The following KCNK9 variants were observed in gnomAD, a reference collection of about 807,000 sequenced individuals.
The protein encoded by KCNK9 is potassium channel subfamily K member 9.
A neutral mutation model predicts 10.8 loss-of-function variants in KCNK9; 1 was observed. The ratio of observed to expected loss-of-function variants is 0.09; its 90% CI spans 0.03 to 0.44. The LOEUF is 0.44. Among genes scored for constraint, KCNK9 ranks in the 20% least tolerant of loss-of-function variants. The pLI, the probability that KCNK9 is intolerant of heterozygous loss-of-function variation, is 0.97. For synonymous variants in KCNK9, 231 were observed against 222.7 expected, an observed-to-expected ratio of 1.04 and a Z score of -0.33; for missense variants, 303 against 515.0, an observed-to-expected ratio of 0.59 and a Z score of 3.98.
At chr8:139,700,492 A>ACACACACACACACACACGCGCGCGCGCG (rs1447882940) in intron 1 of KCNK9, among the ~76,000 whole-genome samples, 1 of 137,246 alleles carries the variant, frequency 7.3e-6, no homozygotes, top group Non-Finnish European at 1.5e-5. Context: ...ACATACACAC[A>ACACACACACACACACACGCGCGCGCGCG]CACACACACA....
At chr8:139,624,399 T>C (rs1051723407) in intron 1 of KCNK9, among the ~76,000 whole-genome samples, 6 of 152,178 alleles carry the variant, frequency 3.9e-5, no homozygotes, top group African/African-American at 1.4e-4. Context: ...GATGCCGGCA[T>C]GTTCAGGGAC....
intron 1 of KCNK9, among the ~76,000 whole-genome samples, chr8:139,626,310 G>A (rs532857515): frequency 6.6e-6 from 1 of 152,196 alleles, no homozygotes; most frequent in Non-Finnish European, 1.5e-5. Flanking sequence ...TTATTCAGGG[G>A]AGAGGTAGAC....
chr8:139,677,717 A>C (rs113557807), intron 1 of KCNK9, among the ~76,000 whole-genome samples: 1,111 of 51,740 alleles, frequency 0.021, 37 homozygotes, highest in African/African-American at 0.049. Context: ...AATACCTCAC[A>C]TCCCAGCCCA....
Position 139,618,570 on chromosome 8 carries a change from C to G in KCNK9, c.813G>C (p.Met271Ile), listed in dbSNP as rs778383035. Residue 271 changes from methionine to isoleucine, a missense_variant, in exon 2 of 2, where the codon ATG becomes ATC. Met to Ile is a conservative substitution (Grantham distance 10). Around this residue, in one of 5 missense-constraint regions of KCNK9, gnomAD observed 138 missense variants for 161.1 expected, o/e 0.86. Transcript: ENST00000520439. This position sits in a 1 kb window ranked among gnomAD's most constrained non-coding sequence, Gnocchi z 7.9. ...RASLAGNRNS[M>I]VIHIPEEPRP... ...GCGGCTCCTCAGGGATGTGAATGAC[C>G]ATGCTGTTGCGGTTTCCGGCGAGGG... is the stretch of plus-strand genomic sequence containing the variant. 1 of 1,613,622 alleles carries G rather than the reference C, an allele frequency of 6.2e-7. No individual in the cohort carries two copies. Among genetic ancestry groups the G allele is most frequent in the African/African-American group, 1.3e-5 (1 of 74,942 alleles).
At chr8:139,677,504 C>T (rs186979217) in intron 1 of KCNK9, among the ~76,000 whole-genome samples, 113 of 152,226 alleles carry the variant, frequency 7.4e-4, no homozygotes, top group Admixed American at 2.4e-3. Flanking sequence ...CAAGGGAGAA[C>T]ACAATTCCTC....
At chr8:139,688,528 G>A (rs1480638183) in intron 1 of KCNK9, among the ~76,000 whole-genome samples, 2 of 152,144 alleles carry the variant, frequency 1.3e-5, no homozygotes, top group South Asian at 4.1e-4. Flanking sequence ...CACATGATCC[G>A]ATCACTTCCC....
chr8:139,673,060 G>A lies in KCNK9; in HGVS notation c.283+29650C>T, dbSNP rs564997699. ...AGAACGGGATTCGGGCAAGGAGAACGAGAGGCAAGAAGGTCCTCAATCCTT... is the reference window on the plus strand; with the variant it reads ...AGAACGGGATTCGGGCAAGGAGAACAAGAGGCAAGAAGGTCCTCAATCCTT... On this transcript the variant is annotated intron_variant, in intron 1 of 1. Coordinates refer to ENST00000520439, the MANE Select transcript of KCNK9 (RefSeq NM_001282534.2). Among the ~76,000 whole-genome samples, 140 of 152,302 alleles carry A rather than the reference G, an allele frequency of 9.2e-4. 1 individual carries two copies. Among genetic ancestry groups the A allele is most frequent in the African/African-American group, 3.2e-3 (133 of 41,558 alleles).
At chr8:139,678,778 G>A (rs1224498762) in intron 1 of KCNK9, among the ~76,000 whole-genome samples, 1 of 152,216 alleles carries the variant, frequency 6.6e-6, no homozygotes, top group South Asian at 2.1e-4. Context: ...CTGATGCCAC[G>A]TGGGCTCCCA....
chr8:139,632,934 G>T (rs148512580), intron 1 of KCNK9, among the ~76,000 whole-genome samples: 1 of 152,182 alleles, frequency 6.6e-6, no homozygotes, highest in South Asian at 2.1e-4. Context: ...GAGCAAAGAC[G>T]TACAGACAGG....
In KCNK9 at chr8:139,702,920, C is replaced by G; in HGVS notation, c.73G>C (p.Val25Leu). Residue 25 changes from valine (V) to leucine (L), a missense_variant, in exon 1 of 2, where the codon GTG becomes CTG. Coordinates refer to ENST00000520439, the MANE Select transcript of KCNK9 (RefSeq NM_001282534.2). This position sits in a 1 kb window ranked among gnomAD's most constrained non-coding sequence, Gnocchi z 7.5. ...TGGTCCGACTCGAGGGCGTCGAACA[C>G]GGCGGCGCCCACCAGCAGGTAGGTG... is the stretch of plus-strand genomic sequence containing the variant. ...TFTYLLVGAA[V>L]FDALESDHEM... The G allele has an allele frequency of 6.2e-7, 1 of 1,613,304 alleles. No individual in the cohort carries two copies. The highest frequency in any genetic ancestry group is 8.5e-7 in the Non-Finnish European group (1 of 1,179,806).
In KCNK9 at chr8:139,617,314, C is replaced by T. The variant is rs1000644449; in HGVS notation, c.*944G>A. Reference sequence around the variant, plus strand: ...GATACTCTGGGGTTCCAACAATTTTCCCGTTTCCCCTGACAATTCCAGTTG... The same window carrying T: ...GATACTCTGGGGTTCCAACAATTTTTCCGTTTCCCCTGACAATTCCAGTTG... On this transcript the variant is annotated 3_prime_UTR_variant, in exon 2 of 2. Coordinates refer to ENST00000520439, the MANE Select transcript of KCNK9 (RefSeq NM_001282534.2). Among the ~76,000 whole-genome samples, 5 of 152,146 alleles carry T rather than the reference C, an allele frequency of 3.3e-5. No individual in the cohort carries two copies. The highest frequency in any genetic ancestry group is 1.2e-4 in the African/African-American group (5 of 41,432).
At chr8:139,700,476 A>G (rs974941236) in intron 1 of KCNK9, among the ~76,000 whole-genome samples, 2 of 147,042 alleles carry the variant, frequency 1.4e-5, no homozygotes, top group South Asian at 2.1e-4. Context: ...TCTTTTATTC[A>G]CATACACATA....
intron 1 of KCNK9, among the ~76,000 whole-genome samples, chr8:139,688,730 GTTT>G (rs1405805897): frequency 1.3e-5 from 2 of 152,232 alleles, no homozygotes; most frequent in African/African-American, 4.8e-5. Flanking sequence ...TAATTAACAT[GTTT>G]GGACAACAAA....
At chr8:139,680,603 C>A (rs1816667003) in intron 1 of KCNK9, among the ~76,000 whole-genome samples, 1 of 152,160 alleles carries the variant, frequency 6.6e-6, no homozygotes, top group South Asian at 2.1e-4. Context: ...AACCCACCAC[C>A]CACATGGCCG....
chr8:139,697,427 G>A (rs924500111), intron 1 of KCNK9, among the ~76,000 whole-genome samples: 1 of 151,636 alleles, frequency 6.6e-6, no homozygotes, highest in Non-Finnish European at 1.5e-5. Flanking sequence ...ATAGACAGAT[G>A]GATGGATGTG....
At position 139,618,308 on chromosome 8, in the gene KCNK9, G is replaced by T; in HGVS notation, c.1075C>A (p.His359Asn). ...AGCCTCTGGTGGTCGGTAAAGCTGT[G>T]TAACCCAGGAGAGATGGAGCTAATA... ...SPISSISPGL[H>N]SFTDHQRLMK... The change falls in exon 2 of 2, where the codon CAC becomes AAC. Residue 359 changes from histidine to asparagine, a missense_variant. Physicochemically the swap from His to Asn is moderately conservative, Grantham distance 68 (BLOSUM62 1). Transcript: ENST00000520439. This position sits in a 1 kb window ranked among gnomAD's most constrained non-coding sequence, Gnocchi z 7.9. 6.2e-7 allele frequency: 1 copy of T among 1,614,196 alleles called. No homozygotes were observed. Among genetic ancestry groups the T allele is most frequent in the Non-Finnish European group, 8.5e-7 (1 of 1,180,028 alleles).
rs938639120 is a variant in KCNK9, at chr8:139,702,366, G to A, written c.283+344C>T. On this transcript the variant is annotated intron_variant, in intron 1 of 1. Coordinates refer to ENST00000520439, the MANE Select transcript of KCNK9 (RefSeq NM_001282534.2). This position sits in a 1 kb window ranked among gnomAD's most constrained non-coding sequence, Gnocchi z 7.5. ...CCCGCGCAGCCCAGCCCGCGCCGGG[G>A]CGGTGGGTGGGTGGGTGTCTGCTAT... 6.6e-6 allele frequency among the ~76,000 whole-genome samples: 1 copy of A among 152,192 alleles called. No homozygotes were observed. The highest frequency in any genetic ancestry group is 2.1e-4 in the South Asian group (1 of 4,834).
downstream of KCNK9, chr8:139,616,727 G>C (rs761826027): frequency 9.9e-5 from 15 of 152,200 alleles, no homozygotes; most frequent in South Asian, 2.1e-4. Flanking sequence ...TTCCATGCAA[G>C]AGCCATGAAC....
downstream of KCNK9, among the ~76,000 whole-genome samples, chr8:139,608,541 A>G (rs1339702881): frequency 6.7e-6 from 1 of 149,708 alleles, no homozygotes; most frequent in Non-Finnish European, 1.5e-5. Flanking sequence ...GGGTCACACC[A>G]CAGTGTGGGA....
Sources: allele counts gnomAD v4.1 joint callset (sites outside exome capture counted in the v4.1 genomes callset), GRCh38; gene constraint gnomAD v4.1.1; regional missense constraint gnomAD v4.1.1; non-coding constraint Gnocchi (gnomAD v3.1); transcripts MANE v1.5; gene names NCBI Gene and HGNC (gene_info 2026-07-23, HGNC 2026-07-21).